Variants in CTIF observed in about 807,000 individuals in gnomAD.
The protein encoded by CTIF is cap binding complex dependent translation initiation factor, also known as CBP80/20-dependent translation initiation factor.
Under a neutral mutation model 66.0 loss-of-function variants are expected in CTIF, and 21 were observed. That is an observed-to-expected ratio of 0.32 (90% CI 0.23 to 0.46). The LOEUF (loss-of-function observed/expected upper bound fraction) is 0.46. CTIF is among the 20% of genes least tolerant of loss of function. The pLI is 1.00. For missense variants in CTIF, 739 were observed against 812.7 expected (o/e 0.91, Z 1.10); for synonymous variants, 345 against 326.4 (o/e 1.06, Z -0.62).
intron 10 of CTIF, chr18:48,826,123 A>T (rs906797803): frequency 2.0e-5 from 3 of 152,246 alleles, no homozygotes; most frequent in Non-Finnish European, 2.9e-5. Flanking sequence ...TATCTGTAGC[A>T]TAGGAATGAG....
At chr18:48,615,157 A>G (rs2144345798) in intron 1 of CTIF, among the ~76,000 whole-genome samples, 1 of 152,222 alleles carries the variant, frequency 6.6e-6, no homozygotes, top group Non-Finnish European at 1.5e-5. Context: ...CAGCCTCCCA[A>G]AGGGCTGGGA....
At chr18:48,583,391 T>G (rs923756554) in intron 1 of CTIF, among the ~76,000 whole-genome samples, 3 of 152,202 alleles carry the variant, frequency 2.0e-5, no homozygotes, top group African/African-American at 7.2e-5. Flanking sequence ...TTAGGCATCA[T>G]GAGGATGAGA....
At chr18:48,834,017 TCCCCTTCCCC>T (rs1352918471) in intron 10 of CTIF, among the ~76,000 whole-genome samples, 2 of 151,624 alleles carry the variant, frequency 1.3e-5, no homozygotes, top group African/African-American at 2.4e-5. Context: ...ACCCCTTCTC[TCCCCTTCCCC>T]CTCCTTTCCC....
chr18:48,629,790 T>C lies in CTIF; in HGVS notation c.181-6824T>C, dbSNP rs1038966378. On this transcript the variant is annotated intron_variant, in intron 2 of 11. Coordinates refer to ENST00000256413, the MANE Select transcript of CTIF (RefSeq NM_014772.3). The stretch of plus-strand genomic sequence containing the variant: ...GGCTGTGTATTCCTGGGTGAGTTAC[T>C]TAACCACACTGTGCTTCAGTCTCCA... 4.6e-5 allele frequency among the ~76,000 whole-genome samples: 7 copies of C among 152,234 alleles called. No homozygotes were observed. In the South Asian group the frequency reaches 1.4e-3, roughly 32 times the overall value.
chr18:48,820,591 C>T (rs542297386), intron 10 of CTIF, among the ~76,000 whole-genome samples: 2 of 152,256 alleles, frequency 1.3e-5, no homozygotes, highest in East Asian at 1.9e-4. Context: ...AGAACTGCAC[C>T]CCAAGACCCC....
intron 1 of CTIF, among the ~76,000 whole-genome samples, chr18:48,579,445 C>A (rs899236980): frequency 6.6e-6 from 1 of 152,200 alleles, no homozygotes. Context: ...TGTGCCTGGC[C>A]ATCTTTACTG....
At chr18:48,564,334 C>A (rs1043763384) in intron 1 of CTIF, among the ~76,000 whole-genome samples, 7 of 151,898 alleles carry the variant, frequency 4.6e-5, no homozygotes, top group African/African-American at 1.7e-4. Flanking sequence ...TGGATGGAGG[C>A]CTTGCTGGGG....
chr18:48,838,002 G>C (rs545368375), intron 10 of CTIF, among the ~76,000 whole-genome samples: 2 of 152,282 alleles, frequency 1.3e-5, no homozygotes, highest in South Asian at 2.1e-4. Context: ...CTGAGGAAGA[G>C]AGACTTTTAA....
intron 7 of CTIF, among the ~76,000 whole-genome samples, chr18:48,726,017 T>C (rs1167250242): frequency 6.6e-6 from 1 of 152,186 alleles, no homozygotes; most frequent in Non-Finnish European, 1.5e-5. Flanking sequence ...AGACATCCCT[T>C]CACCTCTTTG....
intron 10 of CTIF, among the ~76,000 whole-genome samples, chr18:48,845,075 C>G (rs1008309920): frequency 2.0e-5 from 3 of 151,760 alleles, no homozygotes; most frequent in Non-Finnish European, 4.4e-5. Context: ...CCCTAGCATC[C>G]TCCCCTTTTC....
chr18:48,762,653 G>C (rs1016541408), intron 9 of CTIF, among the ~76,000 whole-genome samples: 2 of 152,210 alleles, frequency 1.3e-5, no homozygotes, highest in Admixed American at 6.5e-5. Flanking sequence ...AGAATGGCAG[G>C]CTATAGGGCC....
At chr18:48,832,543 GAC>G (rs2068715987) in intron 10 of CTIF, among the ~76,000 whole-genome samples, 1 of 152,182 alleles carries the variant, frequency 6.6e-6, no homozygotes, top group Admixed American at 6.5e-5. Flanking sequence ...CACGGATAGG[GAC>G]ACAGTGCTGG....
At chr18:48,597,377 T>C (rs564849957) in intron 1 of CTIF, among the ~76,000 whole-genome samples, 2 of 152,194 alleles carry the variant, frequency 1.3e-5, no homozygotes, top group Non-Finnish European at 2.9e-5. Context: ...GTGTTGAATA[T>C]GTGTCCCCTC....
At chr18:48,716,313 G>C (rs748792608) in intron 7 of CTIF, among the ~76,000 whole-genome samples, 140 of 152,236 alleles carry the variant, frequency 9.2e-4, no homozygotes, top group Non-Finnish European at 1.6e-3. Context: ...AGTCATCCAC[G>C]TGTTAACAGG....
intron 10 of CTIF, among the ~76,000 whole-genome samples, chr18:48,837,811 TC>T (rs1223975272): frequency 1.3e-5 from 2 of 152,024 alleles, no homozygotes; most frequent in African/African-American, 4.8e-5. Flanking sequence ...TGCATCCCTC[TC>T]CCTGCTCCCA....
intron 1 of CTIF, among the ~76,000 whole-genome samples, chr18:48,588,598 T>C (rs1037514921): frequency 4.9e-5 from 7 of 142,772 alleles, no homozygotes; most frequent in Admixed American, 4.8e-4. Flanking sequence ...GCCCCCACCC[T>C]CCCTGACCTG....
intron 7 of CTIF, among the ~76,000 whole-genome samples, chr18:48,718,119 G>C (rs1004061659): frequency 2.0e-5 from 3 of 152,118 alleles, no homozygotes; most frequent in African/African-American, 4.8e-5. Flanking sequence ...ACATAGATTT[G>C]GTCTGGCCAT....
chr18:48,631,045 A>G (rs188300320), intron 2 of CTIF, among the ~76,000 whole-genome samples: 463 of 152,254 alleles, frequency 3.0e-3, no homozygotes, highest in African/African-American at 0.011. Context: ...TTTAGGCACC[A>G]CTGAAATGGG....
intron 10 of CTIF, among the ~76,000 whole-genome samples, chr18:48,831,153 A>G (rs12953396): frequency 0.91 from 138,245 of 152,278 alleles, 62,783 homozygotes; most frequent in East Asian, 1. Context: ...GGAAAGGGAA[A>G]AGAAACACCC....
Sources: allele counts gnomAD v4.1 joint callset (sites outside exome capture counted in the v4.1 genomes callset), GRCh38; gene constraint gnomAD v4.1.1; transcripts MANE v1.5; gene names NCBI Gene and HGNC (gene_info 2026-07-23, HGNC 2026-07-21).